ZNF385D: variants seen among roughly 807,000 people sequenced by gnomAD.
The protein encoded by ZNF385D is zinc finger protein 659.
A neutral mutation model predicts 35.8 loss-of-function variants in ZNF385D; 15 were observed. The observed-to-expected ratio is 0.42, with a 90% CI of 0.28 to 0.64. The LOEUF (loss-of-function observed/expected upper bound fraction) is 0.64, where lower values mean the gene tolerates loss of function less well. Among genes scored for constraint, ZNF385D ranks in the 30% least tolerant of loss-of-function variants. The pLI, the probability that ZNF385D is intolerant of heterozygous loss-of-function variation, is 0.23. For missense variants in ZNF385D, 474 were observed against 494.6 expected (o/e 0.96, Z 0.39); for synonymous variants, 212 against 186.8 (o/e 1.13, Z -1.10).
intron 1 of ZNF385D, among the ~76,000 whole-genome samples, chr3:21,742,721 T>C (rs2069578463): frequency 6.6e-6 from 1 of 152,194 alleles, no homozygotes; most frequent in Non-Finnish European, 1.5e-5. Flanking sequence ...CTCTCTTGTG[T>C]TTCCATCTAT....
chr3:22,221,580 G>A (rs1163025636), intron 2 of ZNF385D, among the ~76,000 whole-genome samples: 4 of 151,952 alleles, frequency 2.6e-5, no homozygotes, highest in Non-Finnish European at 4.4e-5. Context: ...TTATATCATC[G>A]GGGTTTCTCA....
intron 1 of ZNF385D, among the ~76,000 whole-genome samples, chr3:21,748,317 C>T (rs745498285): frequency 2.0e-5 from 3 of 149,590 alleles, no homozygotes; most frequent in Non-Finnish European, 4.4e-5. Context: ...TCCAACTAAG[C>T]AAGGGCAGGG....
intron 3 of ZNF385D, among the ~76,000 whole-genome samples, chr3:22,001,560 C>T (rs558374886): frequency 6.6e-6 from 1 of 152,076 alleles, no homozygotes; most frequent in African/African-American, 2.4e-5. Context: ...ATACTCCACT[C>T]TCAGCACTAG....
At chr3:22,078,615 C>T (rs945679018) in intron 3 of ZNF385D, among the ~76,000 whole-genome samples, 1 of 152,002 alleles carries the variant, frequency 6.6e-6, no homozygotes, top group South Asian at 2.1e-4. Flanking sequence ...TGCCTGGTCA[C>T]CTTGTTGACA....
At chr3:22,148,010 T>C (rs1356098172) in intron 3 of ZNF385D, among the ~76,000 whole-genome samples, 4 of 152,182 alleles carry the variant, frequency 2.6e-5, no homozygotes, top group African/African-American at 7.2e-5. Flanking sequence ...TCTGGGATAA[T>C]TGCTTTATAA....
chr3:21,779,800 C>T (rs1250712182), intron 3 of ZNF385D, among the ~76,000 whole-genome samples: 1 of 151,836 alleles, frequency 6.6e-6, no homozygotes, highest in Non-Finnish European at 1.5e-5. Context: ...ATATTAGTTG[C>T]TGAGTATGGC....
intron 3 of ZNF385D, among the ~76,000 whole-genome samples, chr3:21,919,774 A>G (rs1700363683): frequency 6.6e-6 from 1 of 152,232 alleles, no homozygotes; most frequent in Admixed American, 6.5e-5. Flanking sequence ...CCAAATTCAA[A>G]TATTTTTAAG....
chr3:22,231,387 T>G (rs1698880563), intron 2 of ZNF385D, among the ~76,000 whole-genome samples: 1 of 152,134 alleles, frequency 6.6e-6, no homozygotes, highest in Non-Finnish European at 1.5e-5. Flanking sequence ...TCCCCATTAA[T>G]ACTAGAGCTA....
At chr3:22,050,777 T>G (rs896747070) in intron 3 of ZNF385D, among the ~76,000 whole-genome samples, 7 of 152,204 alleles carry the variant, frequency 4.6e-5, no homozygotes, top group African/African-American at 1.7e-4. Flanking sequence ...ATTGTATATT[T>G]ATATTAAATA....
intron 2 of ZNF385D, among the ~76,000 whole-genome samples, chr3:22,309,525 A>C (rs1383901160): frequency 6.6e-6 from 1 of 152,120 alleles, no homozygotes; most frequent in Non-Finnish European, 1.5e-5. Flanking sequence ...ATTCTATTCA[A>C]CTATTTAAAT....
chr3:21,967,094 A>G (rs1438374573), intron 3 of ZNF385D, among the ~76,000 whole-genome samples: 1 of 152,250 alleles, frequency 6.6e-6, no homozygotes, highest in East Asian at 1.9e-4. Flanking sequence ...TGATCTACAA[A>G]GAAAATGTTT....
At chr3:22,125,115 G>T (rs1418782375) in intron 3 of ZNF385D, among the ~76,000 whole-genome samples, 1 of 152,082 alleles carries the variant, frequency 6.6e-6, no homozygotes, top group African/African-American at 2.4e-5. Context: ...ATAGCAGCTA[G>T]TCCCATTCTT....
intron 1 of ZNF385D, among the ~76,000 whole-genome samples, chr3:21,725,299 A>C (rs2068712086): frequency 6.6e-6 from 1 of 152,198 alleles, no homozygotes; most frequent in African/African-American, 2.4e-5. Context: ...AAATAAATTC[A>C]AAAGCCAGCA....
chr3:22,224,198 C>T (rs1357934475), intron 2 of ZNF385D, among the ~76,000 whole-genome samples: 1 of 152,026 alleles, frequency 6.6e-6, no homozygotes, highest in Non-Finnish European at 1.5e-5. Context: ...GAATTCAGTA[C>T]AGGTAGATTT....
At chr3:22,339,994 T>C (rs555835155) in intron 2 of ZNF385D, among the ~76,000 whole-genome samples, 3 of 152,314 alleles carry the variant, frequency 2.0e-5, no homozygotes, top group Non-Finnish European at 2.9e-5. Context: ...AATCTGCCCA[T>C]CAGTCATGTA....
At chr3:22,063,846 T>C (rs1047130723) in intron 3 of ZNF385D, among the ~76,000 whole-genome samples, 1 of 152,228 alleles carries the variant, frequency 6.6e-6, no homozygotes, top group Non-Finnish European at 1.5e-5. Flanking sequence ...TAAAGAGTTA[T>C]CCAAGCTCCA....
At chr3:21,921,087 A>G (rs1458774569) in intron 3 of ZNF385D, among the ~76,000 whole-genome samples, 1 of 151,540 alleles carries the variant, frequency 6.6e-6, no homozygotes, top group Admixed American at 6.6e-5. Context: ...AGCCGGCGTG[A>G]TGGCGGGCGC....
At chr3:21,806,151 C>A (rs2072632766) in intron 3 of ZNF385D, among the ~76,000 whole-genome samples, 1 of 151,850 alleles carries the variant, frequency 6.6e-6, no homozygotes, top group Non-Finnish European at 1.5e-5. Context: ...CTTCCTTTCT[C>A]CCCCTCTCTT....
chr3:22,222,377 CT>C (rs1251308758), intron 2 of ZNF385D, among the ~76,000 whole-genome samples: 1 of 151,984 alleles, frequency 6.6e-6, no homozygotes, highest in Non-Finnish European at 1.5e-5. Context: ...ATGAAAAAAA[CT>C]TGTATCTACT....
Sources: allele counts gnomAD v4.1 joint callset (sites outside exome capture counted in the v4.1 genomes callset), GRCh38; gene constraint gnomAD v4.1.1; transcripts MANE v1.5; gene names NCBI Gene and HGNC (gene_info 2026-07-23, HGNC 2026-07-21).